Variants in SSH2 observed in about 807,000 individuals in gnomAD.
The protein encoded by SSH2 is protein phosphatase Slingshot homolog 2.
A neutral mutation model predicts 135.2 loss-of-function variants in SSH2; 37 were observed. The ratio of observed to expected loss-of-function variants is 0.27; its 90% CI spans 0.21 to 0.36. SSH2 has a LOEUF of 0.36. Ranked by LOEUF, SSH2 falls within the 10% of genes least tolerant of loss-of-function variation. The probability of loss-of-function intolerance (pLI) is 1.00; values close to 1 mark genes in which losing one functional copy is unlikely to be tolerated. For missense variants in SSH2, 1,408 were observed against 1,765.3 expected, an observed-to-expected ratio of 0.80 and a Z score of 3.63; for synonymous variants, 628 against 646.2, an observed-to-expected ratio of 0.97 and a Z score of 0.43.
intron 4 of SSH2, among the ~76,000 whole-genome samples, chr17:29,699,809 C>T (rs2038904840): frequency 6.6e-6 from 1 of 152,226 alleles, no homozygotes; most frequent in Admixed American, 6.5e-5. Flanking sequence ...CATACTTCAT[C>T]TGCACATTCA....
At chr17:29,812,049 T>G (rs557264738) in intron 2 of SSH2, among the ~76,000 whole-genome samples, 1 of 152,120 alleles carries the variant, frequency 6.6e-6, no homozygotes, top group Non-Finnish European at 1.5e-5. Context: ...AATACTTATC[T>G]CTAACCCTCA....
chr17:29,688,039 C>T (rs141020068), intron 5 of SSH2, among the ~76,000 whole-genome samples: 2,914 of 150,028 alleles, frequency 0.019, 37 homozygotes, highest in Middle Eastern at 0.054. Flanking sequence ...GAGATGGAGT[C>T]TCACTCTATC....
chr17:29,730,659 G>A (rs1330118793), intron 3 of SSH2, among the ~76,000 whole-genome samples: 1 of 151,790 alleles, frequency 6.6e-6, no homozygotes, highest in African/African-American at 2.4e-5. Flanking sequence ...GGCTGGTCTC[G>A]AACTCCTGGG....
chr17:29,690,606 G>A (rs2038428385), intron 5 of SSH2, among the ~76,000 whole-genome samples: 1 of 151,942 alleles, frequency 6.6e-6, no homozygotes, highest in African/African-American at 2.4e-5. Context: ...TTAAATGCTA[G>A]TCAAAAGAAT....
At chr17:29,927,614 C>G (rs1444017420) in intron 1 of SSH2, among the ~76,000 whole-genome samples, 1 of 152,174 alleles carries the variant, frequency 6.6e-6, no homozygotes, top group African/African-American at 2.4e-5. Context: ...ATTCATACAG[C>G]AAGAGATAGA....
Position 29,696,344 on chromosome 17 carries a change from GTATA to G in SSH2, c.293-825_293-822del, listed in dbSNP as rs146330175. 6.6e-3 allele frequency among the ~76,000 whole-genome samples: 975 copies of G among 146,652 alleles called. 6 individuals carry two copies. The highest frequency in any genetic ancestry group is 0.023 in the African/African-American group (932 of 40,002). ...TACATACATATATACACATATGTGT[GTATA>G]TATATACTCTCATAATATCCATACA... On this transcript the variant is annotated intron_variant, in intron 4 of 15. Coordinates refer to ENST00000540801, the MANE Select transcript of SSH2 (RefSeq NM_001282129.2).
chr17:29,833,387 T>C (rs753463898), intron 2 of SSH2, among the ~76,000 whole-genome samples: 7 of 152,220 alleles, frequency 4.6e-5, no homozygotes, highest in Non-Finnish European at 1.0e-4. Flanking sequence ...TTTTATCTGA[T>C]ATAAGTATAG....
At chr17:29,707,506 C>G (rs1395906473) in intron 3 of SSH2, among the ~76,000 whole-genome samples, 1 of 151,336 alleles carries the variant, frequency 6.6e-6, no homozygotes, top group Non-Finnish European at 1.5e-5. Context: ...ACAAATTGTA[C>G]AAGGTAGGCC....
chr17:29,905,198 C>T (rs1161418734), intron 1 of SSH2, among the ~76,000 whole-genome samples: 1 of 152,114 alleles, frequency 6.6e-6, no homozygotes, highest in Non-Finnish European at 1.5e-5. Context: ...CAATCCCAAG[C>T]AAAAAGAACA....
intron 3 of SSH2, among the ~76,000 whole-genome samples, chr17:29,778,033 GAA>G (rs200810189): frequency 7.2e-6 from 1 of 138,778 alleles, no homozygotes. Context: ...TCCCCTACTA[GAA>G]AAAAAAAAAA....
chr17:29,734,435 G>T (rs1227277744), intron 3 of SSH2, among the ~76,000 whole-genome samples: 2 of 152,142 alleles, frequency 1.3e-5, no homozygotes, highest in Non-Finnish European at 2.9e-5. Context: ...GCAAAGAATG[G>T]CTTAATGGGT....
intron 2 of SSH2, among the ~76,000 whole-genome samples, chr17:29,833,388 A>G (rs556614696): frequency 4.6e-5 from 7 of 152,308 alleles, no homozygotes; most frequent in Admixed American, 3.3e-4. Flanking sequence ...TTTATCTGAT[A>G]TAAGTATAGC....
At chr17:29,742,251 A>G (rs2040583509) in intron 3 of SSH2, among the ~76,000 whole-genome samples, 1 of 151,060 alleles carries the variant, frequency 6.6e-6, no homozygotes, top group Non-Finnish European at 1.5e-5. Context: ...TGATAAGACT[A>G]GTTCGGTTAA....
At chr17:29,803,072 G>A (rs1311945775) in intron 2 of SSH2, among the ~76,000 whole-genome samples, 1 of 152,106 alleles carries the variant, frequency 6.6e-6, no homozygotes, top group African/African-American at 2.4e-5. Flanking sequence ...GGCTTGAGGA[G>A]GAATAAAGGC....
chr17:29,647,943 G>A (rs912642463), intron 14 of SSH2: 6 of 558,446 alleles, frequency 1.1e-5, no homozygotes, highest in South Asian at 2.1e-5. Flanking sequence ...GATTACAGGC[G>A]TGAGCCACTG....
At chr17:29,803,369 A>G (rs1407763114) in intron 2 of SSH2, among the ~76,000 whole-genome samples, 2 of 152,172 alleles carry the variant, frequency 1.3e-5, no homozygotes, top group East Asian at 3.9e-4. Flanking sequence ...CATAGCCTAG[A>G]TGGGTGGAAA....
At chr17:29,741,940 T>TC (rs1156708297) in intron 3 of SSH2, among the ~76,000 whole-genome samples, 16 of 144,516 alleles carry the variant, frequency 1.1e-4, no homozygotes, top group African/African-American at 4.1e-4. Context: ...TTTTCTTTTT[T>TC]TTTTTTTTTT....
At chr17:29,881,422 C>T (rs1448258973) in intron 1 of SSH2, among the ~76,000 whole-genome samples, 1 of 152,072 alleles carries the variant, frequency 6.6e-6, no homozygotes, top group Non-Finnish European at 1.5e-5. Context: ...TCTGTAGTGC[C>T]TATTTTCCCT....
At chr17:29,873,219 T>C (rs536011544) in intron 1 of SSH2, among the ~76,000 whole-genome samples, 15 of 152,118 alleles carry the variant, frequency 9.9e-5, no homozygotes, top group Non-Finnish European at 2.1e-4. Flanking sequence ...TTGGTTTTAA[T>C]ATGACTTTTA....
Sources: gnomAD v4.1 joint callset for allele counts (sites outside exome capture counted in the v4.1 genomes callset) on GRCh38, gnomAD v4.1.1 for gene constraint, MANE v1.5 for transcripts, NCBI Gene and HGNC (gene_info 2026-07-23, HGNC 2026-07-21) for gene names.